Variants in SGIP1 observed in about 807,000 individuals in gnomAD.
The protein encoded by SGIP1 is SH3-containing GRB2-like protein 3-interacting protein 1.
A neutral mutation model predicts 107.5 loss-of-function variants in SGIP1; 38 were observed. That is an observed-to-expected ratio of 0.35 (90% confidence interval 0.27 to 0.46). SGIP1 has a LOEUF of 0.46. SGIP1 is among the 20% of genes least tolerant of loss of function. The probability of loss-of-function intolerance (pLI) is 1.00; values close to 1 mark genes in which losing one functional copy is unlikely to be tolerated. For synonymous variants in SGIP1, 365 were observed against 366.1 expected (o/e 1.00, Z 0.03); for missense variants, 929 against 1,019.5 (o/e 0.91, Z 1.21).
At chr1:66,735,826 CAAAAAAAAA>C (rs1233871897) in intron 21 of SGIP1, among the ~76,000 whole-genome samples, 1 of 79,174 alleles carries the variant, frequency 1.3e-5, no homozygotes, top group African/African-American at 4.0e-5. Context: ...GACTCCGTCT[CAAAAAAAAA>C]AAAAAAAAAA....
chr1:66,619,242 C>A (rs115654816), intron 1 of SGIP1, among the ~76,000 whole-genome samples: 8 of 152,292 alleles, frequency 5.3e-5, no homozygotes, highest in African/African-American at 1.7e-4. Context: ...GGAACATGAT[C>A]TCCAAAAGTG....
In SGIP1 at chr1:66,676,581, G is replaced by T. The variant is rs17491407; in HGVS notation, c.647-423G>T. On this transcript the variant is annotated intron_variant, in intron 12 of 24. Transcript: ENST00000371037. ...AGGAACCACTGCATAGAATGCAGGC[G>T]TTTTCAGTTTTGAAGCATATTTATA... Among the ~76,000 whole-genome samples, 90 of 152,058 alleles carry T rather than the reference G, an allele frequency of 5.9e-4. 2 individuals carry two copies. In the East Asian group the frequency reaches 0.015, roughly 25 times the overall value.
rs35072157 is a variant in SGIP1, at chr1:66,722,708, G to A, written c.1742+3303G>A. Among the ~76,000 whole-genome samples, 722 of 152,264 alleles carry A rather than the reference G, an allele frequency of 4.7e-3. 5 individuals are homozygous for A. Among genetic ancestry groups the A allele is most frequent in the Middle Eastern group, 0.024 (7 of 294 alleles). ...TGGGAGTTAAGAAGCCGTTATTAAC[G>A]TATTTTTTAATTCCAATAAGTGGTA... On this transcript the variant is annotated intron_variant, in intron 19 of 24. Transcript: ENST00000371037.
At chr1:66,669,476 G>GC (rs1245346499) in intron 9 of SGIP1, among the ~76,000 whole-genome samples, 2 of 152,128 alleles carry the variant, frequency 1.3e-5, no homozygotes, top group Non-Finnish European at 2.9e-5. Flanking sequence ...TGGAACTAAA[G>GC]CCCCTCTATC....
At chr1:66,731,482 G>A (rs1453403032) in intron 20 of SGIP1, among the ~76,000 whole-genome samples, 1 of 151,788 alleles carries the variant, frequency 6.6e-6, no homozygotes, top group African/African-American at 2.4e-5. Flanking sequence ...CACTCAAAGT[G>A]GTTTTGCTTA....
intron 15 of SGIP1, among the ~76,000 whole-genome samples, chr1:66,687,262 C>T (rs751306795): frequency 5.4e-5 from 8 of 148,786 alleles, no homozygotes; most frequent in African/African-American, 9.9e-5. Flanking sequence ...ATGGTTTTCA[C>T]GAAGCTAAAT....
intron 1 of SGIP1, among the ~76,000 whole-genome samples, chr1:66,605,838 A>G (rs2066721241): frequency 6.6e-6 from 1 of 152,144 alleles, no homozygotes; most frequent in South Asian, 2.1e-4. Flanking sequence ...CCGTGTCTTG[A>G]GAGAAAAGGC....
At chr1:66,605,117 C>A (rs2066578103) in intron 1 of SGIP1, among the ~76,000 whole-genome samples, 1 of 152,176 alleles carries the variant, frequency 6.6e-6, no homozygotes. Context: ...GAAGTCCAAG[C>A]CACTTCCATG....
intron 17 of SGIP1, among the ~76,000 whole-genome samples, chr1:66,693,360 A>G (rs1048616282): frequency 2.5e-4 from 38 of 152,256 alleles, no homozygotes; most frequent in African/African-American, 8.7e-4. Flanking sequence ...AATCCTATCA[A>G]TATTATGAGG....
chr1:66,554,637 G>A (rs1363891740), intron 1 of SGIP1, among the ~76,000 whole-genome samples: 1 of 152,112 alleles, frequency 6.6e-6, no homozygotes, highest in Non-Finnish European at 1.5e-5. Flanking sequence ...TTCAGGCTAT[G>A]TTTATAAGGT....
rs2094204176 is a variant in SGIP1 at position 66,735,733 on chromosome 1, T to C, written c.2031+1853T>C. On this transcript the variant is annotated intron_variant, in intron 21 of 24. Coordinates refer to ENST00000371037, the MANE Select transcript of SGIP1 (RefSeq NM_032291.4). The stretch of plus-strand genomic sequence containing the variant: ...TACTCGGGAGGCTGAGGCGGGAGAA[T>C]GGCGTGAACCCGGGAGGCGGAGCTT... Among the ~76,000 whole-genome samples, 6 of 61,998 alleles carry C rather than the reference T, an allele frequency of 9.7e-5. 1 individual carries two copies. In the East Asian group the frequency reaches 1.4e-3, roughly 15 times the overall value. The allele number at this position is 61,998 out of a possible 152,430, so 40.7% of individuals were successfully genotyped here. A position where few individuals can be genotyped will look rare whatever the true frequency, so the allele number is the denominator to read the frequency against.
rs2094543850 is a variant in SGIP1, at chr1:66,745,750, A to G, written c.*2655A>G. Reference sequence around the variant, plus strand: ...GATCTTTAAAAGGTTCTGCTTTAGCAAGATAAAAAGTATAAATGATGCTAC... The same window carrying G: ...GATCTTTAAAAGGTTCTGCTTTAGCGAGATAAAAAGTATAAATGATGCTAC... On this transcript the variant is annotated 3_prime_UTR_variant, in exon 25 of 25. Transcript: ENST00000371037. 6.6e-6 allele frequency: 1 copy of G among 152,264 alleles called. No individual in the cohort carries two copies. Among genetic ancestry groups the G allele is most frequent in the Non-Finnish European group, 1.5e-5 (1 of 67,954 alleles). The allele number at this position is 152,264 out of a possible 1,614,324, so 9.4% of individuals were successfully genotyped here.
At chr1:66,731,649 C>T (rs1289535664) in intron 20 of SGIP1, among the ~76,000 whole-genome samples, 1 of 152,018 alleles carries the variant, frequency 6.6e-6, no homozygotes, top group Non-Finnish European at 1.5e-5. Context: ...TCTTTAGTTT[C>T]GTTATGCAGT....
intron 15 of SGIP1, among the ~76,000 whole-genome samples, chr1:66,682,967 A>T (rs1383327290): frequency 2.0e-5 from 3 of 152,144 alleles, no homozygotes; most frequent in Non-Finnish European, 4.4e-5. Context: ...TTGCATCTGT[A>T]ATCCAATCAA....
At chr1:66,586,076 C>G (rs2062569646) in intron 1 of SGIP1, among the ~76,000 whole-genome samples, 1 of 152,132 alleles carries the variant, frequency 6.6e-6, no homozygotes, top group African/African-American at 2.4e-5. Flanking sequence ...GCTAATGTCT[C>G]TTTTATCATT....
chr1:66,724,124 TGA>T (rs1450205919), intron 19 of SGIP1, among the ~76,000 whole-genome samples: 1 of 152,196 alleles, frequency 6.6e-6, no homozygotes, highest in Non-Finnish European at 1.5e-5. Context: ...TTGTATTTTA[TGA>T]GAGAGATGCA....
chr1:66,647,946 C>T (rs1227229443), intron 7 of SGIP1, among the ~76,000 whole-genome samples: 2 of 152,188 alleles, frequency 1.3e-5, no homozygotes, highest in African/African-American at 4.8e-5. Flanking sequence ...GACTCCAACT[C>T]CAAGTTCAGT....
intron 1 of SGIP1, among the ~76,000 whole-genome samples, chr1:66,572,290 A>G (rs544900916): frequency 2.0e-5 from 3 of 152,066 alleles, no homozygotes; most frequent in East Asian, 1.9e-4. Context: ...CAGGTGACAG[A>G]AATATGCTAA....
chr1:66,567,697 G>A (rs1557910799), intron 1 of SGIP1, among the ~76,000 whole-genome samples: 1 of 152,162 alleles, frequency 6.6e-6, no homozygotes, highest in East Asian at 1.9e-4. Flanking sequence ...GTAAGGAAGG[G>A]GTCTGGTTTC....
Sources: gnomAD v4.1 joint callset for allele counts (sites outside exome capture counted in the v4.1 genomes callset) on GRCh38, gnomAD v4.1.1 for gene constraint, MANE v1.5 for transcripts, NCBI Gene and HGNC (gene_info 2026-07-23, HGNC 2026-07-21) for gene names.